The following COP1 variants were observed in gnomAD, a reference collection of about 807,000 sequenced individuals.
COP1 encodes the protein E3 ubiquitin-protein ligase COP1.
A neutral mutation model predicts 101.3 loss-of-function variants in COP1; 24 were observed. That is an observed-to-expected ratio of 0.24 (90% CI 0.17 to 0.33). COP1 has a LOEUF of 0.33. Ranked by LOEUF, COP1 falls within the 10% of genes least tolerant of loss-of-function variation. The pLI is 1.00. For synonymous variants in COP1, 347 were observed against 341.9 expected, an observed-to-expected ratio of 1.01 and a Z score of -0.17; for missense variants, 663 against 906.2, an observed-to-expected ratio of 0.73 and a Z score of 3.45.
intron 18 of COP1, among the ~76,000 whole-genome samples, chr1:175,949,168 C>CAAAAAAAAAAAAAAAAAAAAAAA (rs56280543): frequency 1.6e-4 from 7 of 43,164 alleles, no homozygotes; most frequent in African/African-American, 6.2e-4. Flanking sequence ...GGCTCCGTCT[C>CAAAAAAAAAAAAAAAAAAAAAAA]AAAAAAAAAA....
At chr1:176,006,607 A>T (rs952523550) in intron 15 of COP1, among the ~76,000 whole-genome samples, 3 of 152,180 alleles carry the variant, frequency 2.0e-5, no homozygotes, top group Admixed American at 2.0e-4. Flanking sequence ...TTTGCTTACG[A>T]AGCTTAGTTT....
intron 11 of COP1, 78 bp from the exon 12 acceptor site, chr1:176,046,402 A>T: frequency 7.4e-6 from 10 of 1,347,036 alleles, no homozygotes; most frequent in Non-Finnish European, 1.0e-5. Context: ...GTCTACAAGG[A>T]TAAAAGATCT....
At chr1:176,171,518 G>A (rs1168065492) in intron 3 of COP1, among the ~76,000 whole-genome samples, 1 of 152,134 alleles carries the variant, frequency 6.6e-6, no homozygotes, top group Admixed American at 6.5e-5. Flanking sequence ...TGTCTTCACT[G>A]GAGTAGCACT....
intron 9 of COP1, among the ~76,000 whole-genome samples, chr1:176,097,540 A>G (rs752663217): frequency 6.6e-6 from 1 of 152,052 alleles, no homozygotes; most frequent in Non-Finnish European, 1.5e-5. Flanking sequence ...TGTGTGTGTG[A>G]TGTCTATAAA....
At chr1:176,176,100 C>A in intron 2 of COP1, 93 bp from the exon 3 acceptor site, 1 of 645,946 alleles carries the variant, frequency 1.5e-6, no homozygotes, top group Non-Finnish European at 2.7e-6. Flanking sequence ...TTCTATTCCT[C>A]ATTTTCAACA....
chr1:176,088,040 T>C (rs1012407012), intron 9 of COP1, among the ~76,000 whole-genome samples: 4 of 151,792 alleles, frequency 2.6e-5, no homozygotes, highest in African/African-American at 9.7e-5. Context: ...CACTCATAGG[T>C]GGGAACTGAA....
At chr1:176,201,605 T>C (rs1572828212) in intron 1 of COP1, among the ~76,000 whole-genome samples, 1 of 152,244 alleles carries the variant, frequency 6.6e-6, no homozygotes, top group South Asian at 2.1e-4. Context: ...ATTGCACAAG[T>C]ACCTTCTTCT....
intron 8 of COP1, among the ~76,000 whole-genome samples, chr1:176,132,065 T>C (rs533532943): frequency 7.9e-5 from 12 of 151,668 alleles, no homozygotes; most frequent in African/African-American, 2.9e-4. Flanking sequence ...CACTCTTACC[T>C]CTTCTATCAA....
At chr1:176,053,810 C>G (rs979108596) in intron 11 of COP1, among the ~76,000 whole-genome samples, 4 of 152,176 alleles carry the variant, frequency 2.6e-5, no homozygotes, top group Non-Finnish European at 5.9e-5. Flanking sequence ...AATTACATGG[C>G]CAGTAAATAT....
chr1:176,052,857 T>C (rs1044861448), intron 11 of COP1, among the ~76,000 whole-genome samples: 5 of 152,268 alleles, frequency 3.3e-5, no homozygotes, highest in Middle Eastern at 3.4e-3. Context: ...CCTCATGCCA[T>C]AGTATTTTGA....
At position 176,075,800 on chromosome 1, in the gene COP1, C is replaced by T. The variant is rs1353567293; in HGVS notation, c.1277+5352G>A. ...CAGGTGGATCAAGAGGTCAGGAGTT[C>T]GAGACCAGCCTGGCCAACATAATGA... On this transcript the variant is annotated intron_variant, in intron 11 of 19. Coordinates refer to ENST00000367669, the MANE Select transcript of COP1 (RefSeq NM_022457.7). 5.3e-5 allele frequency among the ~76,000 whole-genome samples: 8 copies of T among 151,886 alleles called. No individual in the cohort carries two copies. In the South Asian group the frequency reaches 6.2e-4, roughly 12 times the overall value.
intron 11 of COP1, among the ~76,000 whole-genome samples, chr1:176,054,161 C>A (rs987052201): frequency 8.1e-6 from 1 of 124,180 alleles, no homozygotes; most frequent in African/African-American, 2.8e-5. Context: ...GCAAATTATT[C>A]TTTTTTTTTT....
chr1:176,126,933 CA>C (rs1688082221), intron 8 of COP1, among the ~76,000 whole-genome samples: 1 of 152,048 alleles, frequency 6.6e-6, no homozygotes, highest in Non-Finnish European at 1.5e-5. Context: ...TTATTGGAAT[CA>C]AAAAGTCTAT....
At chr1:176,044,726 T>C (rs1287957484) in intron 12 of COP1, among the ~76,000 whole-genome samples, 1 of 152,222 alleles carries the variant, frequency 6.6e-6, no homozygotes, top group Non-Finnish European at 1.5e-5. Context: ...ACAGTAGATG[T>C]GCTCCGAATC....
At chr1:176,041,988 T>C (rs1670633095) in intron 14 of COP1, among the ~76,000 whole-genome samples, 2 of 152,214 alleles carry the variant, frequency 1.3e-5, no homozygotes, top group South Asian at 4.2e-4. Flanking sequence ...GGCACGTGCC[T>C]GTAGGCCCAG....
intron 18 of COP1, among the ~76,000 whole-genome samples, chr1:175,972,456 C>T (rs906850135): frequency 2.7e-5 from 4 of 147,282 alleles, no homozygotes; most frequent in Non-Finnish European, 3.0e-5. Flanking sequence ...ATACAAAATA[C>T]AAGAATTTTT....
intron 15 of COP1, among the ~76,000 whole-genome samples, chr1:175,992,819 G>GGCACA (rs1355461242): frequency 3.3e-5 from 5 of 151,968 alleles, no homozygotes; most frequent in African/African-American, 1.2e-4. Context: ...CTGGGGGCAG[G>GGCACA]CACAGACAAA....
chr1:176,175,023 T>C (rs1696718374), intron 3 of COP1, among the ~76,000 whole-genome samples: 2 of 152,190 alleles, frequency 1.3e-5, no homozygotes, highest in Admixed American at 6.5e-5. Flanking sequence ...CATGTCTCTC[T>C]TCTCTAGTTC....
intron 2 of COP1, among the ~76,000 whole-genome samples, chr1:176,177,420 CAG>C (rs1558264960): frequency 6.6e-6 from 1 of 151,032 alleles, no homozygotes; most frequent in Non-Finnish European, 1.5e-5. Flanking sequence ...ATCTATAACA[CAG>C]TGGATATAAT....
Sources: gnomAD v4.1 joint callset for allele counts (sites outside exome capture counted in the v4.1 genomes callset) on GRCh38, gnomAD v4.1.1 for gene constraint, MANE v1.5 for transcripts, NCBI Gene and HGNC (gene_info 2026-07-23, HGNC 2026-07-21) for gene names.